Variants in ZNF541 observed in about 807,000 individuals in gnomAD.
The protein encoded by ZNF541 is zinc finger protein 541.
ZNF541 carries 23 observed loss-of-function variants against 123.5 expected under a neutral mutation model. The observed-to-expected ratio is 0.19, with a 90% CI of 0.13 to 0.26. The LOEUF is 0.26. ZNF541 is among the 10% of genes least tolerant of loss of function. ZNF541 has a pLI of 1.00. For synonymous variants in ZNF541, 751 were observed against 754.5 expected (o/e 1.00, Z 0.08); for missense variants, 1,612 against 1,789.9 (o/e 0.90, Z 1.79).
chr19:47,540,986 A>G (rs2974239), intron 5 of ZNF541, 35 bp from the exon 6 acceptor site: 152,262 of 1,544,108 alleles, frequency 0.099, 20,906 homozygotes, highest in African/African-American at 0.67. Flanking sequence ...CAACACATCC[A>G]AAATGAAGAG....
At chr19:47,542,797 T>C (rs1970137597) in intron 5 of ZNF541, among the ~76,000 whole-genome samples, 1 of 151,808 alleles carries the variant, frequency 6.6e-6, no homozygotes, top group South Asian at 2.1e-4. Context: ...CACACAAAAA[T>C]TAGCCAGATG....
At position 47,520,890 on chromosome 19, in the gene ZNF541, C is replaced by T. The variant is rs1568476748; in HGVS notation, c.*334G>A. 7.7e-6 allele frequency: 2 copies of T among 260,402 alleles called. No individual in the cohort carries two copies. The highest frequency in any genetic ancestry group is 1.5e-5 in the Non-Finnish European group (2 of 134,780). 16.1% of individuals were successfully genotyped at this position (260,402 alleles called of 1,614,324 possible). ...CTTATCTAACACATGAAACCAAACCCCACAACTGAGGCTAAGATTTAAGAG... is the reference window on the plus strand; with the variant it reads ...CTTATCTAACACATGAAACCAAACCTCACAACTGAGGCTAAGATTTAAGAG... On this transcript the variant is annotated 3_prime_UTR_variant, in exon 17 of 17. Coordinates refer to ENST00000391901, the MANE Select transcript of ZNF541 (RefSeq NM_001277075.3).
rs575334348 is a variant in ZNF541, at chr19:47,548,160, T to G, written c.548+1085A>C. On this transcript the variant is annotated intron_variant, in intron 4 of 16. Transcript: ENST00000391901. ...AAAAAATAGAAAAGAAAAACAAAGCTGGGGCCGGGTGCGGTGGCTCACGCT... is the reference window on the plus strand; with the variant it reads ...AAAAAATAGAAAAGAAAAACAAAGCGGGGGCCGGGTGCGGTGGCTCACGCT... 3.3e-3 allele frequency among the ~76,000 whole-genome samples: 493 copies of G among 148,650 alleles called. 3 individuals carry two copies. The highest frequency in any genetic ancestry group is 0.011 in the African/African-American group (466 of 40,604).
At chr19:47,553,140 G>T (rs1970676510) in intron 3 of ZNF541, among the ~76,000 whole-genome samples, 1 of 151,948 alleles carries the variant, frequency 6.6e-6, no homozygotes, top group Non-Finnish European at 1.5e-5. Flanking sequence ...AAATTGGCAA[G>T]GACACTGAAA....
rs187751467 is a variant in ZNF541 at position 47,558,893 on chromosome 19, C to T, written c.-98-2939G>A. On this transcript the variant is annotated intron_variant, in intron 2 of 16. Coordinates refer to ENST00000391901, the MANE Select transcript of ZNF541 (RefSeq NM_001277075.3). The stretch of plus-strand genomic sequence containing the variant: ...CCGAGTAGCTGGGACTACAGGTGCC[C>T]GCCCCCGCGCCCGGCTAACTTTTTG... Among the ~76,000 whole-genome samples the T allele has an allele frequency of 3.3e-3, 495 of 151,966 alleles. 3 individuals are homozygous for T. The highest frequency in any genetic ancestry group is 0.011 in the African/African-American group (458 of 41,488).
chr19:47,547,742 AACATGTGTCTTTCTTTCCCCC>A (rs1338585186), intron 4 of ZNF541, among the ~76,000 whole-genome samples: 3 of 152,118 alleles, frequency 2.0e-5, no homozygotes, highest in Admixed American at 1.3e-4. Context: ...TGGTTTGAAA[AACATGTGTCTTTCTTTCCCCC>A]ACAGGCAAGA....
In ZNF541 at chr19:47,531,985, T is replaced by C. The variant is rs572547947; in HGVS notation, c.3301+143A>G. 9 of 1,180,162 alleles carry C rather than the reference T, an allele frequency of 7.6e-6. No homozygotes were observed. In the East Asian group the frequency reaches 2.1e-4, roughly 27 times the overall value. 73.1% of individuals were successfully genotyped at this position (1,180,162 alleles called of 1,614,324 possible). A position where few individuals can be genotyped will look rare whatever the true frequency, so the allele number is the denominator to read the frequency against. On this transcript the variant is annotated intron_variant, in intron 11 of 16. Transcript: ENST00000391901. ...GAGTGCAGCAGGGAAGAAGCAACGC[T>C]GGCCAAGAGCCAGCTCCCTCCCACG...
chr19:47,533,106 C>T (rs914525346), intron 9 of ZNF541, 134 bp from the exon 10 acceptor site: 7 of 652,920 alleles, frequency 1.1e-5, no homozygotes, highest in East Asian at 3.3e-5. Flanking sequence ...CAGTGGTTCA[C>T]GCCTGTAATC....
intron 14 of ZNF541, among the ~76,000 whole-genome samples, chr19:47,526,253 G>A (rs1305537132): frequency 3.3e-5 from 5 of 152,024 alleles, no homozygotes; most frequent in African/African-American, 1.2e-4. Flanking sequence ...AGGCCAAGGT[G>A]GGCAGATCAC....
At chr19:47,535,697 A>G (rs562698130) in intron 9 of ZNF541, among the ~76,000 whole-genome samples, 1 of 151,826 alleles carries the variant, frequency 6.6e-6, no homozygotes, top group South Asian at 2.1e-4. Context: ...TTGGAAGGCC[A>G]ATGCAGGAGG....
rs188961449 is a variant in ZNF541, at chr19:47,570,434, G to A, written c.-99+1462C>T. Among the ~76,000 whole-genome samples, 57 of 151,168 alleles carry A rather than the reference G, an allele frequency of 3.8e-4. 1 individual carries two copies. Among genetic ancestry groups the A allele is most frequent in the Non-Finnish European group, 2.1e-4 (14 of 67,808 alleles). ...TCTACTAAAAATACAAAAATTAGCC[G>A]GGCATGGTGGTGGGCACCTGTAATC... On this transcript the variant is annotated intron_variant, in intron 2 of 16. Coordinates refer to ENST00000391901, the MANE Select transcript of ZNF541 (RefSeq NM_001277075.3).
intron 9 of ZNF541, among the ~76,000 whole-genome samples, chr19:47,537,746 G>A (rs981719345): frequency 4.6e-5 from 7 of 151,580 alleles, no homozygotes; most frequent in Admixed American, 1.3e-4. Flanking sequence ...GTGGTGATGC[G>A]CACCTGTAGT....
intron 2 of ZNF541, among the ~76,000 whole-genome samples, chr19:47,565,596 C>T (rs1235713895): frequency 1.3e-5 from 2 of 152,140 alleles, no homozygotes; most frequent in Non-Finnish European, 2.9e-5. Context: ...GAATTGAGAC[C>T]TCACAGGGCC....
At chr19:47,537,362 G>A (rs867145036) in intron 9 of ZNF541, among the ~76,000 whole-genome samples, 13 of 152,040 alleles carry the variant, frequency 8.6e-5, no homozygotes, top group African/African-American at 2.9e-4. Flanking sequence ...TCAGGAGCTC[G>A]AGACCAGCCT....
chr19:47,551,511 ACACGTG>A (rs1395783353), intron 3 of ZNF541, among the ~76,000 whole-genome samples: 1 of 152,018 alleles, frequency 6.6e-6, no homozygotes, highest in Non-Finnish European at 1.5e-5. Context: ...AGGTGAGACT[ACACGTG>A]CACACCACCA....
At chr19:47,546,194 C>T (rs1200837394) in intron 4 of ZNF541, among the ~76,000 whole-genome samples, 1 of 142,260 alleles carries the variant, frequency 7.0e-6, no homozygotes, top group African/African-American at 2.9e-5. Context: ...AAGCAAACCC[C>T]TTACAGAAAA....
intron 8 of ZNF541, 76 bp from the exon 9 acceptor site, chr19:47,538,515 GC>G: frequency 7.2e-7 from 1 of 1,391,530 alleles, no homozygotes; most frequent in South Asian, 1.5e-5. Context: ...TGGAAAGAGA[GC>G]AGGAAAAGGA....
chr19:47,530,476 C>T (rs999295142), intron 12 of ZNF541, among the ~76,000 whole-genome samples: 10 of 150,646 alleles, frequency 6.6e-5, no homozygotes, highest in African/African-American at 2.4e-4. Flanking sequence ...GTGAGCCATG[C>T]GCCTGGCCTA....
At position 47,558,307 on chromosome 19, in the gene ZNF541, T is replaced by C. The variant is rs542800962; in HGVS notation, c.-98-2353A>G. On this transcript the variant is annotated intron_variant, in intron 2 of 16. Transcript: ENST00000391901. ...GGTGGGCGCCTGTAGTCCCAGCTAC[T>C]CGGGAGGCTGAGGCAGGAGAATGGT... Among the ~76,000 whole-genome samples, 150 of 151,872 alleles carry C rather than the reference T, an allele frequency of 9.9e-4. 2 individuals carry two copies. Among genetic ancestry groups the C allele is most frequent in the African/African-American group, 3.5e-3 (146 of 41,462 alleles).
Sources: gnomAD v4.1 joint callset for allele counts (sites outside exome capture counted in the v4.1 genomes callset) on GRCh38, gnomAD v4.1.1 for gene constraint, MANE v1.5 for transcripts, NCBI Gene and HGNC (gene_info 2026-07-23, HGNC 2026-07-21) for gene names.